The following CDH12 variants were observed in gnomAD, a reference collection of about 807,000 sequenced individuals.
The protein encoded by CDH12 is cadherin 12.
In CDH12, 41 loss-of-function variants were observed where a neutral mutation model predicts 74.1. That is an observed-to-expected ratio of 0.55 (90% CI 0.43 to 0.72). The LOEUF (loss-of-function observed/expected upper bound fraction) is 0.72, where lower values mean the gene tolerates loss of function less well. Ranked by LOEUF, CDH12 falls within the 30% of genes least tolerant of loss-of-function variation. CDH12 has a pLI of 0.00. For missense variants in CDH12, 945 were observed against 977.2 expected (o/e 0.97, Z 0.44); for synonymous variants, 399 against 355.0 (o/e 1.12, Z -1.39).
At chr5:22,831,911 T>A (rs554895776) in intron 1 of CDH12, among the ~76,000 whole-genome samples, 1 of 151,678 alleles carries the variant, frequency 6.6e-6, no homozygotes, top group Non-Finnish European at 1.5e-5. Context: ...AAAAAAAAAA[T>A]TAAATCCACA....
intron 2 of CDH12, among the ~76,000 whole-genome samples, chr5:22,502,121 T>A (rs1330929031): frequency 6.6e-6 from 1 of 152,158 alleles, no homozygotes; most frequent in Non-Finnish European, 1.5e-5. Context: ...GTTTGGCTTG[T>A]GTCCCCATCC....
intron 2 of CDH12, among the ~76,000 whole-genome samples, chr5:22,493,695 T>A (rs1023307548): frequency 6.6e-6 from 1 of 151,918 alleles, no homozygotes; most frequent in African/African-American, 2.4e-5. Flanking sequence ...TCCATTAAGA[T>A]GGAAAAGTTT....
At chr5:21,969,369 G>A (rs1036208431) in intron 6 of CDH12, among the ~76,000 whole-genome samples, 1 of 151,914 alleles carries the variant, frequency 6.6e-6, no homozygotes, top group African/African-American at 2.4e-5. Flanking sequence ...AGTGATCCCA[G>A]CTTTCTTGTA....
At chr5:22,047,940 C>G (rs553695064) in intron 5 of CDH12, among the ~76,000 whole-genome samples, 123 of 152,282 alleles carry the variant, frequency 8.1e-4, no homozygotes, top group Non-Finnish European at 1.5e-3. Context: ...ATGGATACTT[C>G]TTTTTCAGTT....
intron 1 of CDH12, among the ~76,000 whole-genome samples, chr5:22,512,239 A>G (rs186233772): frequency 1.5e-4 from 23 of 152,308 alleles, no homozygotes; most frequent in African/African-American, 7.2e-5. Context: ...TTACAAAGTG[A>G]TAAGAGTAGA....
chr5:21,935,373 C>T (rs1296637848), intron 6 of CDH12, among the ~76,000 whole-genome samples: 1 of 152,108 alleles, frequency 6.6e-6, no homozygotes, highest in African/African-American at 2.4e-5. Flanking sequence ...CTCTACATAC[C>T]TCAAAGCATA....
chr5:22,505,074 A>C (rs1736328810), intron 2 of CDH12, among the ~76,000 whole-genome samples, 196 bp downstream of exon 2: 1 of 151,986 alleles, frequency 6.6e-6, no homozygotes, highest in African/African-American at 2.4e-5. Context: ...ATTCTAAAAA[A>C]TGTAGAAATA....
chr5:22,357,976 T>C (rs1399667720), intron 3 of CDH12, among the ~76,000 whole-genome samples: 1 of 152,192 alleles, frequency 6.6e-6, no homozygotes, highest in Non-Finnish European at 1.5e-5. Flanking sequence ...TCATTAAAAA[T>C]GAGTTTTGAA....
chr5:21,768,080 T>C (rs1269835916), intron 11 of CDH12, among the ~76,000 whole-genome samples: 1 of 151,744 alleles, frequency 6.6e-6, no homozygotes, highest in African/African-American at 2.4e-5. Flanking sequence ...ATATGGAAAT[T>C]AGTTACTGTT....
chr5:22,713,721 G>A (rs1743419891), intron 1 of CDH12, among the ~76,000 whole-genome samples: 1 of 152,096 alleles, frequency 6.6e-6, no homozygotes, highest in South Asian at 2.1e-4. Flanking sequence ...GTGTGTATGT[G>A]TGTGTGTGCC....
Position 21,751,605 on chromosome 5 carries a change from C to CAAGA in CDH12, c.*131_*132insTCTT. 4.4e-6 allele frequency: 1 copy of CAAGA among 226,848 alleles called. No homozygotes were observed. Among genetic ancestry groups the CAAGA allele is most frequent in the South Asian group, 7.3e-5 (1 of 13,648 alleles). The allele number at this position is 226,848 out of a possible 1,614,324, so 14.1% of individuals were successfully genotyped here. A position where few individuals can be genotyped will look rare whatever the true frequency, so the allele number is the denominator to read the frequency against. On this transcript the variant is annotated 3_prime_UTR_variant, in exon 15 of 15. Transcript: ENST00000382254. The stretch of plus-strand genomic sequence containing the variant: ...ACCAGGTAATCAAAGGAATCTTGTC[C>CAAGA]CAGAGTGTGTGTGTGTGTGTGTGTG...
intron 6 of CDH12, among the ~76,000 whole-genome samples, chr5:21,857,045 T>A (rs775213247): frequency 6.6e-6 from 1 of 151,776 alleles, no homozygotes; most frequent in Non-Finnish European, 1.5e-5. Context: ...ACCAAACTCA[T>A]GCAAAAGACA....
intron 2 of CDH12, among the ~76,000 whole-genome samples, chr5:22,494,274 G>C (rs1338832568): frequency 1.3e-5 from 2 of 152,126 alleles, no homozygotes; most frequent in East Asian, 1.9e-4. Context: ...TCATCCCAAA[G>C]CTGTGCACAT....
chr5:22,416,671 G>T (rs894436372), intron 2 of CDH12, among the ~76,000 whole-genome samples: 8 of 152,076 alleles, frequency 5.3e-5, no homozygotes, highest in Non-Finnish European at 1.0e-4. Context: ...AAAAAAATAA[G>T]ATTAGTATTA....
intron 4 of CDH12, among the ~76,000 whole-genome samples, chr5:22,191,661 T>TTCACG (rs70957102): frequency 0.94 from 133,019 of 142,236 alleles, 62,928 homozygotes; most frequent in East Asian, 1. Flanking sequence ...GCCTCCCGGG[T>TTCACG]TCACGCCATT....
chr5:21,961,292 T>C (rs1756353488), intron 6 of CDH12, among the ~76,000 whole-genome samples: 1 of 152,176 alleles, frequency 6.6e-6, no homozygotes, highest in Non-Finnish European at 1.5e-5. Context: ...CCATCTCTGA[T>C]ATTTCAGCTT....
At chr5:22,203,385 G>A (rs1213712001) in intron 4 of CDH12, among the ~76,000 whole-genome samples, 2 of 152,018 alleles carry the variant, frequency 1.3e-5, no homozygotes, top group African/African-American at 4.8e-5. Context: ...TTAACATACT[G>A]TCCTCCAGGC....
At chr5:22,350,175 G>T (rs1740300693) in intron 3 of CDH12, among the ~76,000 whole-genome samples, 1 of 152,108 alleles carries the variant, frequency 6.6e-6, no homozygotes, top group African/African-American at 2.4e-5. Flanking sequence ...CCAGACATTT[G>T]ATTAACTAGA....
intron 4 of CDH12, among the ~76,000 whole-genome samples, chr5:22,155,312 T>A (rs935610048): frequency 1.3e-5 from 2 of 152,086 alleles, no homozygotes; most frequent in African/African-American, 4.8e-5. Flanking sequence ...GGAGGGGTAG[T>A]CTTTGGGGCC....
Sources: allele counts gnomAD v4.1 joint callset (sites outside exome capture counted in the v4.1 genomes callset), GRCh38; gene constraint gnomAD v4.1.1; transcripts MANE v1.5; gene names NCBI Gene and HGNC (gene_info 2026-07-23, HGNC 2026-07-21).